Variants in SH3PXD2A observed in about 807,000 individuals in gnomAD.
SH3PXD2A encodes SH3 and PX domain-containing protein 2A.
Under a neutral mutation model 115.2 loss-of-function variants are expected in SH3PXD2A, and 32 were observed. The observed-to-expected ratio is 0.28, with a 90% CI of 0.21 to 0.37. SH3PXD2A has a LOEUF of 0.37. Ranked by LOEUF, SH3PXD2A falls within the 10% of genes least tolerant of loss-of-function variation. The probability of loss-of-function intolerance (pLI) is 1.00; values close to 1 mark genes in which losing one functional copy is unlikely to be tolerated. For missense variants in SH3PXD2A, 1,328 were observed against 1,498.7 expected, an observed-to-expected ratio of 0.89 and a Z score of 1.88; for synonymous variants, 610 against 629.1, an observed-to-expected ratio of 0.97 and a Z score of 0.45.
rs1271125442 is a variant in SH3PXD2A, at chr10:103,596,661, A to ACTCTCTCTCTCTCTCTCT, written c.*5154_*5155insAGAGAGAGAGAGAGAGAG. The ACTCTCTCTCTCTCTCTCT allele has an allele frequency of 1.6e-4, 6 of 36,976 alleles. No homozygotes were observed. The highest frequency in any genetic ancestry group is 2.9e-4 in the Non-Finnish European group (4 of 13,720). The allele number at this position is 36,976 out of a possible 1,614,324, so 2.3% of individuals were successfully genotyped here. A position where few individuals can be genotyped will look rare whatever the true frequency, so the allele number is the denominator to read the frequency against. On this transcript the variant is annotated 3_prime_UTR_variant, in exon 15 of 15. Coordinates refer to ENST00000369774, the MANE Select transcript of SH3PXD2A (RefSeq NM_001394015.1). ...CACACACACACACACACACACACAC[A>ACTCTCTCTCTCTCTCTCT]CACTCTCTCTCTCTCTCTCTCTCTC... is the stretch of plus-strand genomic sequence containing the variant.
intron 8 of SH3PXD2A, among the ~76,000 whole-genome samples, chr10:103,654,677 A>C (rs1434620068): frequency 1.3e-5 from 2 of 152,088 alleles, no homozygotes; most frequent in African/African-American, 2.4e-5. Context: ...TCAACCTCCC[A>C]AAGTTTTGGG....
At chr10:103,725,643 A>G (rs1389624419) in intron 4 of SH3PXD2A, among the ~76,000 whole-genome samples, 1 of 152,110 alleles carries the variant, frequency 6.6e-6, no homozygotes, top group Non-Finnish European at 1.5e-5. Flanking sequence ...CCTGGCCAAC[A>G]TGGAGAAACC....
intron 6 of SH3PXD2A, among the ~76,000 whole-genome samples, chr10:103,683,357 C>CAAAA (rs1166407148): frequency 6.6e-6 from 1 of 151,744 alleles, no homozygotes; most frequent in Non-Finnish European, 1.5e-5. Context: ...TACTAAAATA[C>CAAAA]AAAAAAATTA....
At chr10:103,638,474 G>A (rs1325100689) in intron 8 of SH3PXD2A, among the ~76,000 whole-genome samples, 1 of 152,230 alleles carries the variant, frequency 6.6e-6, no homozygotes, top group Admixed American at 6.5e-5. Context: ...CCCAGAAGGA[G>A]GCCTGACTAA....
intron 8 of SH3PXD2A, among the ~76,000 whole-genome samples, chr10:103,634,887 C>A (rs1202781644): frequency 6.6e-6 from 1 of 152,050 alleles, no homozygotes; most frequent in Non-Finnish European, 1.5e-5. Flanking sequence ...ATGAATGGAG[C>A]GTATTTCCTG....
chr10:103,751,272 T>C (rs1174884237), intron 3 of SH3PXD2A, among the ~76,000 whole-genome samples: 2 of 152,242 alleles, frequency 1.3e-5, no homozygotes, highest in Non-Finnish European at 2.9e-5. Context: ...ACACATGTAT[T>C]GAGCAGCTAC....
chr10:103,734,882 C>T (rs550907957), intron 4 of SH3PXD2A, among the ~76,000 whole-genome samples: 66 of 152,358 alleles, frequency 4.3e-4, no homozygotes, highest in South Asian at 3.7e-3. Context: ...CTGAGCCAGA[C>T]GCTGTGCTGT....
rs2036100923 is a variant in SH3PXD2A, at chr10:103,594,063, A to C, written c.*7753T>G. The C allele has an allele frequency of 6.6e-6, 1 of 152,584 alleles. No homozygotes were observed. The highest frequency in any genetic ancestry group is 1.5e-5 in the Non-Finnish European group (1 of 68,036). 9.5% of individuals were successfully genotyped at this position (152,584 alleles called of 1,614,324 possible). On this transcript the variant is annotated 3_prime_UTR_variant, in exon 15 of 15. Coordinates refer to ENST00000369774, the MANE Select transcript of SH3PXD2A (RefSeq NM_001394015.1). ...AGGCCCAAAACTTTATTTAGTTTTCAGGGAAATATAAGATGCATGTAAACA... is the reference window on the plus strand; with the variant it reads ...AGGCCCAAAACTTTATTTAGTTTTCCGGGAAATATAAGATGCATGTAAACA...
chr10:103,852,411 C>T (rs532547520), intron 1 of SH3PXD2A, among the ~76,000 whole-genome samples: 3 of 152,262 alleles, frequency 2.0e-5, no homozygotes, highest in Non-Finnish European at 4.4e-5. Flanking sequence ...GCTCCTCCTG[C>T]GTGGGCCCCA....
Position 103,603,018 on chromosome 10 carries a change from C to T in SH3PXD2A, c.2200G>A (p.Val734Ile). 1 of 1,614,160 alleles carries T rather than the reference C, an allele frequency of 6.2e-7. No homozygotes were observed. The highest frequency in any genetic ancestry group is 8.5e-7 in the Non-Finnish European group (1 of 1,180,042). The change falls in exon 15 of 15, where the codon GTC (valine) becomes ATC (isoleucine). Residue 734 changes from valine to isoleucine, a missense_variant. Physicochemically the swap from Val to Ile is conservative, Grantham distance 29 (BLOSUM62 3). Around this residue, in one of 5 missense-constraint regions of SH3PXD2A, gnomAD observed 574 missense variants for 565.7 expected, o/e 1.01. Coordinates refer to ENST00000369774, the MANE Select transcript of SH3PXD2A (RefSeq NM_001394015.1). ...GCATCAGCATCCTTCTTTGCCCTGACCTTGGGAGTGCCGCGGATGCCTGCG... is the reference window on the plus strand; with the variant it reads ...GCATCAGCATCCTTCTTTGCCCTGATCTTGGGAGTGCCGCGGATGCCTGCG... ...SDAGIRGTPK[V>I]RAKKDADANA...
At chr10:103,815,330 T>G (rs140879725) in intron 1 of SH3PXD2A, among the ~76,000 whole-genome samples, 2 of 151,676 alleles carry the variant, frequency 1.3e-5, no homozygotes, top group African/African-American at 4.8e-5. Flanking sequence ...AAAGGACTTA[T>G]ATCTGGAACA....
chr10:103,608,466 G>A (rs1189059976), intron 13 of SH3PXD2A, among the ~76,000 whole-genome samples: 2 of 150,220 alleles, frequency 1.3e-5, no homozygotes, highest in African/African-American at 4.9e-5. Context: ...ATTGTGTTGG[G>A]ATTTAAATTA....
intron 2 of SH3PXD2A, among the ~76,000 whole-genome samples, chr10:103,798,732 C>A (rs1361259709): frequency 2.0e-5 from 3 of 152,164 alleles, no homozygotes; most frequent in Non-Finnish European, 4.4e-5. Flanking sequence ...TGGGCCACAC[C>A]CCAGCTCCCA....
chr10:103,647,843 C>T (rs73333333), intron 8 of SH3PXD2A, among the ~76,000 whole-genome samples: 3 of 152,130 alleles, frequency 2.0e-5, no homozygotes, highest in Admixed American at 2.0e-4. Context: ...GGAGCAGCGT[C>T]GTTCATGCCC....
chr10:103,698,376 C>T (rs2037851495), intron 5 of SH3PXD2A, among the ~76,000 whole-genome samples: 1 of 152,260 alleles, frequency 6.6e-6, no homozygotes, highest in African/African-American at 2.4e-5. Context: ...AGGACACACA[C>T]ACAAACTTCC....
intron 2 of SH3PXD2A, among the ~76,000 whole-genome samples, chr10:103,791,184 T>G (rs935294078): frequency 6.6e-6 from 1 of 152,230 alleles, no homozygotes; most frequent in African/African-American, 2.4e-5. Context: ...CCCCGCTGTA[T>G]GAAAATCCCA....
intron 2 of SH3PXD2A, among the ~76,000 whole-genome samples, chr10:103,800,146 G>A (rs144374234): frequency 1.3e-5 from 2 of 152,172 alleles, no homozygotes; most frequent in East Asian, 1.9e-4. Context: ...TCACAACCCC[G>A]AGAGGAATCT....
chr10:103,767,820 T>TTTTG (rs1554921225), intron 2 of SH3PXD2A, among the ~76,000 whole-genome samples: 11 of 124,898 alleles, frequency 8.8e-5, no homozygotes, highest in South Asian at 2.6e-4. Context: ...GTTTTTTTTT[T>TTTTG]TTTTTTTTTT....
chr10:103,619,224 C>T (rs999110056), intron 10 of SH3PXD2A, among the ~76,000 whole-genome samples: 4 of 152,212 alleles, frequency 2.6e-5, no homozygotes, highest in South Asian at 2.1e-4. Flanking sequence ...GATTCTGACT[C>T]GGCCCTTTGA....
Sources: gnomAD v4.1 joint callset for allele counts (sites outside exome capture counted in the v4.1 genomes callset) on GRCh38, gnomAD v4.1.1 for gene constraint, gnomAD v4.1.1 regional missense constraint, MANE v1.5 for transcripts, NCBI Gene and HGNC (gene_info 2026-07-23, HGNC 2026-07-21) for gene names.